The following ANXA8 variants were observed in gnomAD, a reference collection of about 807,000 sequenced individuals.
ANXA8 encodes the protein annexin A8.
ANXA8 carries 9 observed loss-of-function variants against 26.8 expected under a neutral mutation model. That is an observed-to-expected ratio of 0.34 (90% CI 0.20 to 0.59). The LOEUF (loss-of-function observed/expected upper bound fraction) is 0.59, where lower values mean the gene tolerates loss of function less well. Among genes scored for constraint, ANXA8 ranks in the 20% least tolerant of loss-of-function variants. The pLI, the probability that ANXA8 is intolerant of heterozygous loss-of-function variation, is 0.84. For missense variants in ANXA8, 83 were observed against 238.5 expected (o/e 0.35, Z 4.29); for synonymous variants, 39 against 94.8 (o/e 0.41, Z 3.42).
the ANXA8 span, among the ~76,000 whole-genome samples, chr10:47,659,725 A>G: frequency 6.6e-6 from 1 of 151,298 alleles, no homozygotes; most frequent in African/African-American, 2.4e-5. Flanking sequence ...TTTATGTATG[A>G]CATACCTTGG....
chr10:47,687,488 C>T, the ANXA8 span, among the ~76,000 whole-genome samples: 2 of 151,864 alleles, frequency 1.3e-5, no homozygotes, highest in Admixed American at 6.5e-5. Flanking sequence ...TGGTCTCGGA[C>T]TCCTGATCTC....
At chr10:47,685,763 G>A in the ANXA8 span, among the ~76,000 whole-genome samples, 2 of 149,334 alleles carry the variant, frequency 1.3e-5, no homozygotes, top group African/African-American at 4.9e-5. Context: ...AAAGAGTAAT[G>A]TTCTAGAAAC....
At chr10:47,970,093 G>T in the ANXA8 span, 1 of 151,712 alleles carries the variant, frequency 6.6e-6, no homozygotes, top group East Asian at 1.9e-4. Context: ...TTAAAAGTGT[G>T]CAGTGGAGAG....
the ANXA8 span, among the ~76,000 whole-genome samples, chr10:47,672,769 G>A: frequency 6.6e-6 from 1 of 152,026 alleles, no homozygotes; most frequent in Non-Finnish European, 1.5e-5. Context: ...TTAATGTACT[G>A]AGGGAGTGAA....
At chr10:47,720,235 TATAGGAATTTCTTAAAG>T in the ANXA8 span, among the ~76,000 whole-genome samples, 6 of 145,260 alleles carry the variant, frequency 4.1e-5, 1 homozygote, top group Non-Finnish European at 6.0e-5. Context: ...CAGGAATCGT[TATAGGAATTTCTTAAAG>T]ATAGGAATTT....
the ANXA8 span, among the ~76,000 whole-genome samples, chr10:47,733,212 T>C: frequency 1.4e-5 from 1 of 69,494 alleles, no homozygotes; most frequent in African/African-American, 5.0e-5. Flanking sequence ...TTTCTTTCTT[T>C]CTTTCTTTCT....
chr10:47,493,018 G>A, the ANXA8 span, among the ~76,000 whole-genome samples: 490 of 151,466 alleles, frequency 3.2e-3, 3 homozygotes, highest in Non-Finnish European at 5.4e-3. Context: ...TGGTGTTTGC[G>A]GGCTCCAGGG....
chr10:47,610,730 A>C, the ANXA8 span, among the ~76,000 whole-genome samples: 2 of 149,994 alleles, frequency 1.3e-5, no homozygotes, highest in African/African-American at 4.9e-5. Context: ...AATAACTTTT[A>C]TTTTCTGTGG....
chr10:47,924,470 G>A, the ANXA8 span, among the ~76,000 whole-genome samples: 1 of 148,600 alleles, frequency 6.7e-6, no homozygotes, highest in African/African-American at 2.5e-5. Context: ...TGCATTGGAT[G>A]GGATGTCTCC....
At chr10:47,756,543 C>T in the ANXA8 span, among the ~76,000 whole-genome samples, 1 of 138,748 alleles carries the variant, frequency 7.2e-6, no homozygotes, top group East Asian at 2.4e-4. Flanking sequence ...CACTGGGCCC[C>T]CAGGCCCCCT....
chr10:47,566,297 GC>G, the ANXA8 span, among the ~76,000 whole-genome samples: 2 of 150,856 alleles, frequency 1.3e-5, no homozygotes, highest in Non-Finnish European at 3.0e-5. Flanking sequence ...CAGGCCTGGG[GC>G]CCCTCCCTGA....
At chr10:47,574,477 A>G in the ANXA8 span, among the ~76,000 whole-genome samples, 1 of 124,730 alleles carries the variant, frequency 8.0e-6, no homozygotes, top group African/African-American at 3.2e-5. Context: ...TATACAGTTG[A>G]AATAATATAG....
At chr10:47,565,951 C>G in the ANXA8 span, 1 of 1,494,804 alleles carries the variant, frequency 6.7e-7, no homozygotes, top group Non-Finnish European at 8.8e-7. Context: ...GCGCGCGCGG[C>G]GAGGAGCTGG....
the ANXA8 span, among the ~76,000 whole-genome samples, chr10:47,554,110 A>AAAATAAATAAATAAATAAATAAAT: frequency 4.2e-4 from 54 of 129,902 alleles, no homozygotes; most frequent in Middle Eastern, 3.6e-3. Context: ...CATCTCTCAA[A>AAAATAAATAAATAAATAAATAAAT]AAATAAATAA....
chr10:47,737,276 T>C, the ANXA8 span, among the ~76,000 whole-genome samples: 1 of 151,780 alleles, frequency 6.6e-6, no homozygotes, highest in African/African-American at 2.4e-5. Flanking sequence ...ATACACATTT[T>C]CTTCAAAAAA....
chr10:47,559,851 A>G, the ANXA8 span, among the ~76,000 whole-genome samples: 1 of 151,810 alleles, frequency 6.6e-6, no homozygotes, highest in Admixed American at 6.6e-5. Flanking sequence ...CTTTCTTTAT[A>G]GCTCCTCCTG....
At chr10:47,743,088 G>A in the ANXA8 span, among the ~76,000 whole-genome samples, 1 of 140,700 alleles carries the variant, frequency 7.1e-6, no homozygotes, top group African/African-American at 2.7e-5. Context: ...GGAGAATGGC[G>A]TGAACCCGGG....
the ANXA8 span, among the ~76,000 whole-genome samples, chr10:47,724,182 C>T: frequency 6.8e-5 from 9 of 133,136 alleles, no homozygotes; most frequent in South Asian, 1.9e-3. Context: ...CTAGCTGAAC[C>T]TCAATTACTG....
chr10:47,496,119 G>A, the ANXA8 span: 1 of 151,478 alleles, frequency 6.6e-6, no homozygotes, highest in East Asian at 1.9e-4. Flanking sequence ...CAGAGGTGAG[G>A]CTGACGCTTC....
Sources: allele counts gnomAD v4.1 joint callset (sites outside exome capture counted in the v4.1 genomes callset), GRCh38; gene constraint gnomAD v4.1.1; transcripts MANE v1.5; gene names NCBI Gene and HGNC (gene_info 2026-07-23, HGNC 2026-07-21).